Variants in MLXIP observed in about 807,000 individuals in gnomAD.
MLXIP encodes MLX-interacting protein.
In MLXIP, 30 loss-of-function variants were observed where a neutral mutation model predicts 87.2. The observed-to-expected ratio is 0.34, with a 90% CI of 0.26 to 0.47. The LOEUF (loss-of-function observed/expected upper bound fraction) is 0.47, where lower values mean the gene tolerates loss of function less well. MLXIP is among the 20% of genes least tolerant of loss of function. The probability of loss-of-function intolerance (pLI) is 1.00; values close to 1 mark genes in which losing one functional copy is unlikely to be tolerated. For missense variants in MLXIP, 1,002 were observed against 1,240.1 expected (o/e 0.81, Z 2.88); for synonymous variants, 530 against 514.0 (o/e 1.03, Z -0.42).
In MLXIP at chr12:122,122,036, G is replaced by A. The variant is rs550897943; in HGVS notation, c.414-5220G>A. Among the ~76,000 whole-genome samples, 8 of 126,594 alleles carry A rather than the reference G, an allele frequency of 6.3e-5. No individual in the cohort carries two copies. The South Asian group carries it at 2.1e-3, about 32-fold the overall frequency. The allele number at this position is 126,594 out of a possible 152,430, so 83.1% of individuals were successfully genotyped here. A position where few individuals can be genotyped will look rare whatever the true frequency, so the allele number is the denominator to read the frequency against. On this transcript the variant is annotated intron_variant, in intron 1 of 16. Coordinates refer to ENST00000319080, the MANE Select transcript of MLXIP (RefSeq NM_014938.6). ...GGGTGAGGAGAGGGCTAGCGAATGG[G>A]TGAGTGCAGTTGACCTCTGTTCTGA...
chr12:122,137,431 C>T lies in MLXIP; in HGVS notation c.2033-38C>T, dbSNP rs1953112817. 1 of 1,593,230 alleles carries T rather than the reference C, an allele frequency of 6.3e-7. No homozygotes were observed. The highest frequency in any genetic ancestry group is 1.3e-5 in the African/African-American group (1 of 74,210). On this transcript the variant is annotated intron_variant, in intron 11 of 16. Coordinates refer to ENST00000319080, the MANE Select transcript of MLXIP (RefSeq NM_014938.6). The surrounding 1 kb of genome is among the most constrained non-coding windows in gnomAD (Gnocchi z 4.1). Reference sequence around the variant, plus strand: ...GCTGCCTCCTGGTGGCGTTGAGGGGCCAGGCCTCCGCCCCTCAGAGGAGTC... The same window carrying T: ...GCTGCCTCCTGGTGGCGTTGAGGGGTCAGGCCTCCGCCCCTCAGAGGAGTC...
Position 122,141,086 on chromosome 12 carries a change from G to A in MLXIP, c.2638+3G>A. The stretch of plus-strand genomic sequence containing the variant: ...CTCCCTGCCCATCCTCAGGCCGAGT[G>A]AGTGGGGCAGTGCCAGGGTGGGGGG... On this transcript the variant is annotated splice_donor_region_variant and intron_variant, in intron 16 of 16. Coordinates refer to ENST00000319080, the MANE Select transcript of MLXIP (RefSeq NM_014938.6). 1 of 1,607,020 alleles carries A rather than the reference G, an allele frequency of 6.2e-7. No homozygotes were observed. Among genetic ancestry groups the A allele is most frequent in the East Asian group, 2.2e-5 (1 of 44,798 alleles).
intron 1 of MLXIP, 65 bp from the exon 2 acceptor site, chr12:122,127,191 A>C: frequency 1.6e-6 from 2 of 1,282,852 alleles, no homozygotes; most frequent in Non-Finnish European, 2.2e-6. Context: ...ATCGGGTGGC[A>C]CTTTGTAATT....
chr12:122,086,437 G>T (rs1019808600), intron 1 of MLXIP, among the ~76,000 whole-genome samples: 4 of 152,130 alleles, frequency 2.6e-5, no homozygotes, highest in Admixed American at 6.5e-5. Context: ...CTGTAAAGTG[G>T]ATCCTTGTTC....
At chr12:122,122,736 CGGG>C (rs1565977853) in intron 1 of MLXIP, among the ~76,000 whole-genome samples, 1 of 151,776 alleles carries the variant, frequency 6.6e-6, no homozygotes, top group Non-Finnish European at 1.5e-5. Flanking sequence ...TTAGTAGAGA[CGGG>C]GGTTTCACCA....
chr12:122,114,714 ACCTCTC>A (rs1160608370), intron 1 of MLXIP, among the ~76,000 whole-genome samples: 3 of 142,794 alleles, frequency 2.1e-5, no homozygotes, highest in Non-Finnish European at 3.0e-5. Flanking sequence ...CAAAGGCTTG[ACCTCTC>A]TTTGGGAAGG....
chr12:122,098,416 T>A (rs1309208465), intron 1 of MLXIP, among the ~76,000 whole-genome samples: 3 of 152,194 alleles, frequency 2.0e-5, no homozygotes, highest in Non-Finnish European at 4.4e-5. Flanking sequence ...ACTGGAAGAT[T>A]GACACAGCAG....
Position 122,078,862 on chromosome 12 carries a change from C to A in MLXIP, c.9C>A (p.Ala3=). The change falls in exon 1 of 17, where the codon GCC becomes GCA. Residue 3 remains alanine (A), a synonymous_variant. Coordinates refer to ENST00000319080, the MANE Select transcript of MLXIP (RefSeq NM_014938.6). MA[A]DVFMCSPRRP... ...CCGGCCGAGCCCTTCTCATGGCCGC[C>A]GACGTCTTCATGTGCTCCCCGCGCC... is the stretch of plus-strand genomic sequence containing the variant. 1.8e-6 allele frequency: 2 copies of A among 1,095,952 alleles called. No homozygotes were observed. The highest frequency in any genetic ancestry group is 3.3e-5 in the South Asian group (1 of 30,008). 67.9% of individuals were successfully genotyped at this position (1,095,952 alleles called of 1,614,324 possible).
In MLXIP at chr12:122,141,846, A is replaced by G; in HGVS notation, c.*34A>G. The G allele has an allele frequency of 6.2e-7, 1 of 1,610,220 alleles. No individual in the cohort carries two copies. Among genetic ancestry groups the G allele is most frequent in the Non-Finnish European group, 8.5e-7 (1 of 1,178,866 alleles). On this transcript the variant is annotated 3_prime_UTR_variant, in exon 17 of 17. Transcript: ENST00000319080. Reference sequence around the variant, plus strand: ...CTGGCATGTGGCCGCATGAGATGCCAGGAGACCCTTCCCTGCCCATGGAGA... The same window carrying G: ...CTGGCATGTGGCCGCATGAGATGCCGGGAGACCCTTCCCTGCCCATGGAGA...
At chr12:122,123,835 G>C (rs995553727) in intron 1 of MLXIP, among the ~76,000 whole-genome samples, 1 of 152,158 alleles carries the variant, frequency 6.6e-6, no homozygotes, top group Non-Finnish European at 1.5e-5. Flanking sequence ...CAGTAGCTAG[G>C]ACTACAGACG....
chr12:122,095,600 T>C (rs926398883), intron 1 of MLXIP, among the ~76,000 whole-genome samples: 1 of 152,264 alleles, frequency 6.6e-6, no homozygotes, highest in Non-Finnish European at 1.5e-5. Flanking sequence ...TCAGGCCTCC[T>C]TCCAGATTTT....
Position 122,104,380 on chromosome 12 carries a change from TCAGA to T in MLXIP, c.414-22872_414-22869del, listed in dbSNP as rs1463420033. Among the ~76,000 whole-genome samples the T allele has an allele frequency of 2.6e-5, 4 of 152,150 alleles. No homozygotes were observed. The East Asian group carries it at 5.8e-4, about 22-fold the overall frequency. On this transcript the variant is annotated intron_variant, in intron 1 of 16. Transcript: ENST00000319080. The stretch of plus-strand genomic sequence containing the variant: ...TTCCGTGTGTTTTGTATAAATAGAA[TCAGA>T]CAGTTTGTATCCTTGTGTCTCGCTT...
At chr12:122,094,443 G>A (rs1325505439) in intron 1 of MLXIP, among the ~76,000 whole-genome samples, 6 of 142,200 alleles carry the variant, frequency 4.2e-5, no homozygotes, top group Admixed American at 7.0e-5. Flanking sequence ...TGTATGCGGT[G>A]TCTGGTGTGG....
intron 1 of MLXIP, among the ~76,000 whole-genome samples, chr12:122,108,346 C>T (rs115007765): frequency 0.02 from 2,646 of 131,386 alleles, 86 homozygotes; most frequent in African/African-American, 0.073. Flanking sequence ...TCTAGCCTGG[C>T]GACAGAGCGA....
chr12:122,108,769 C>T (rs1952560034), intron 1 of MLXIP, among the ~76,000 whole-genome samples: 1 of 152,078 alleles, frequency 6.6e-6, no homozygotes, highest in Admixed American at 6.6e-5. Flanking sequence ...AAATGAGTGC[C>T]CATCACTGTC....
Position 122,142,511 on chromosome 12 carries a change from G to A in MLXIP, c.*699G>A, listed in dbSNP as rs1318705984. 1 of 356,062 alleles carries A rather than the reference G, an allele frequency of 2.8e-6. No homozygotes were observed. Among genetic ancestry groups the A allele is most frequent in the Middle Eastern group, 7.4e-4 (1 of 1,344 alleles). 22.1% of individuals were successfully genotyped at this position (356,062 alleles called of 1,614,324 possible). A position where few individuals can be genotyped will look rare whatever the true frequency, so the allele number is the denominator to read the frequency against. On this transcript the variant is annotated 3_prime_UTR_variant, in exon 17 of 17. Coordinates refer to ENST00000319080, the MANE Select transcript of MLXIP (RefSeq NM_014938.6). ...TGCTCTGGCTGAGAGGCCCTGCTGG[G>A]CATGTTTCATCTGTCCCCTTTTAGC...
Position 122,135,656 on chromosome 12 carries a change from C to T in MLXIP, c.2022C>T (p.Val674=). 3 of 1,512,462 alleles carry T rather than the reference C, an allele frequency of 2.0e-6. No homozygotes were observed. The highest frequency in any genetic ancestry group is 2.7e-6 in the Non-Finnish European group (3 of 1,131,014). The allele number at this position is 1,512,462 out of a possible 1,614,324, so 93.7% of individuals were successfully genotyped here. Residue 674 remains valine, a synonymous_variant, in exon 11 of 17, where the codon GTC becomes GTT. Coordinates refer to ENST00000319080, the MANE Select transcript of MLXIP (RefSeq NM_014938.6). This position sits in a 1 kb window ranked among gnomAD's most constrained non-coding sequence, Gnocchi z 5.3. ...ATGGGGGCAGCCCCCAGGTCACTGTCACAGGGCCCAGTGAGTGTTCACTCG... is the reference window on the plus strand; with the variant it reads ...ATGGGGGCAGCCCCCAGGTCACTGTTACAGGGCCCAGTGAGTGTTCACTCG... ...PLHGGSPQVT[V]TGPSRDCPNS...
rs551784556 is a variant in MLXIP, at chr12:122,142,635, C to G, written c.*823C>G. On this transcript the variant is annotated 3_prime_UTR_variant, in exon 17 of 17. Coordinates refer to ENST00000319080, the MANE Select transcript of MLXIP (RefSeq NM_014938.6). ...TTCTGCCGTTCTTCTCCACTTGGCT[C>G]CAGCTGCAGCTGTTGACAGATCAAG... The G allele has an allele frequency of 7.1e-6, 2 of 281,186 alleles. No individual in the cohort carries two copies. Among genetic ancestry groups the G allele is most frequent in the Admixed American group, 4.4e-5 (1 of 22,596 alleles). 17.4% of individuals were successfully genotyped at this position (281,186 alleles called of 1,614,324 possible).
At chr12:122,091,046 C>T (rs1425838288) in intron 1 of MLXIP, among the ~76,000 whole-genome samples, 1 of 151,990 alleles carries the variant, frequency 6.6e-6, no homozygotes, top group Admixed American at 6.6e-5. Flanking sequence ...GCGATGGTTA[C>T]ATAACTCTGA....
Sources: gnomAD v4.1 joint callset for allele counts (sites outside exome capture counted in the v4.1 genomes callset) on GRCh38, gnomAD v4.1.1 for gene constraint, Gnocchi (gnomAD v3.1) non-coding constraint, MANE v1.5 for transcripts, NCBI Gene and HGNC (gene_info 2026-07-23, HGNC 2026-07-21) for gene names.